The following CACNA1I variants were observed in gnomAD, a reference collection of about 807,000 sequenced individuals.
CACNA1I encodes the protein voltage-dependent T-type calcium channel subunit alpha-1I.
Under a neutral mutation model 201.6 loss-of-function variants are expected in CACNA1I, and 74 were observed. The ratio of observed to expected loss-of-function variants is 0.37; its 90% CI spans 0.30 to 0.45. CACNA1I has a LOEUF of 0.45. Among genes scored for constraint, CACNA1I ranks in the 20% least tolerant of loss-of-function variants. The pLI is 1.00. For missense variants in CACNA1I, 2,346 were observed against 3,138.1 expected, an observed-to-expected ratio of 0.75 and a Z score of 6.03; for synonymous variants, 1,431 against 1,345.2, an observed-to-expected ratio of 1.06 and a Z score of -1.40.
At chr22:39,645,464 T>C (rs1934462394) in intron 7 of CACNA1I, among the ~76,000 whole-genome samples, 1 of 152,048 alleles carries the variant, frequency 6.6e-6, no homozygotes, top group Admixed American at 6.5e-5. Context: ...GGCCCAGCTG[T>C]CTCTTCCTGT....
intron 7 of CACNA1I, among the ~76,000 whole-genome samples, chr22:39,646,278 C>T (rs577617443): frequency 6.6e-6 from 1 of 152,144 alleles, no homozygotes; most frequent in East Asian, 1.9e-4. Context: ...CCCTCCCTTG[C>T]ATCTGTCTTT....
intron 1 of CACNA1I, among the ~76,000 whole-genome samples, chr22:39,571,780 C>G (rs5757731): frequency 0.51 from 77,060 of 152,186 alleles, 20,593 homozygotes; most frequent in East Asian, 0.96. Flanking sequence ...TGCTTCATAT[C>G]TAACTGTCAC....
intron 1 of CACNA1I, among the ~76,000 whole-genome samples, chr22:39,582,310 C>T (rs906480601): frequency 1.3e-5 from 2 of 152,008 alleles, no homozygotes; most frequent in African/African-American, 2.4e-5. Flanking sequence ...GGTTTTCAAT[C>T]GGGGTGACTT....
chr22:39,665,839 A>G lies in CACNA1I; in HGVS notation c.3979-42A>G, dbSNP rs775034475. 6 of 1,612,772 alleles carry G rather than the reference A, an allele frequency of 3.7e-6. No homozygotes were observed. In the South Asian group the frequency reaches 4.4e-5, roughly 12 times the overall value. ...GAGGCGAGTTCCTCTCTGACTTGCA[A>G]CCCTCACCTGTGAGAGCACCAACCT... is the stretch of plus-strand genomic sequence containing the variant. On this transcript the variant is annotated intron_variant, in intron 22 of 36. Transcript: ENST00000402142. The surrounding 1 kb of genome is among the most constrained non-coding windows in gnomAD (Gnocchi z 5.5).
intron 26 of CACNA1I, 26 bp downstream of exon 26, chr22:39,670,980 C>T: frequency 6.2e-7 from 1 of 1,610,920 alleles, no homozygotes; most frequent in Non-Finnish European, 8.5e-7. Context: ...CCTCCCAGCC[C>T]AAGGTTACAA....
intron 3 of CACNA1I, 59 bp from the exon 4 acceptor site, chr22:39,619,251 G>GGGCCCT (rs1569064875): frequency 5.2e-6 from 7 of 1,334,250 alleles, no homozygotes; most frequent in South Asian, 1.2e-5. Context: ...GCTGTGGCCC[G>GGGCCCT]GGCCCTGGCC....
At chr22:39,572,379 G>A (rs1451666631) in intron 1 of CACNA1I, among the ~76,000 whole-genome samples, 2 of 152,166 alleles carry the variant, frequency 1.3e-5, no homozygotes, top group African/African-American at 4.8e-5. Context: ...GTCAGGTGCA[G>A]GCCTGAGTCC....
intron 2 of CACNA1I, 122 bp downstream of exon 2, chr22:39,598,384 C>A: frequency 1.6e-6 from 1 of 632,882 alleles, no homozygotes; most frequent in Non-Finnish European, 2.9e-6. Flanking sequence ...CATGCCCCGC[C>A]CCGCTCCGTG....
chr22:39,645,680 C>T (rs1173328457), intron 7 of CACNA1I, among the ~76,000 whole-genome samples: 3 of 152,190 alleles, frequency 2.0e-5, no homozygotes, highest in Non-Finnish European at 4.4e-5. Context: ...CGGGCACCTC[C>T]AAGGGGGATG....
intron 23 of CACNA1I, among the ~76,000 whole-genome samples, chr22:39,667,332 G>A (rs1487829912): frequency 2.6e-5 from 4 of 152,236 alleles, no homozygotes; most frequent in Admixed American, 6.5e-5. Context: ...TGGATGGTGG[G>A]AAGGAGGGGC....
In CACNA1I at chr22:39,612,525, C is replaced by G. The variant is rs768024923; in HGVS notation, c.483-6785C>G. Among the ~76,000 whole-genome samples the G allele has an allele frequency of 1.0e-3, 157 of 152,278 alleles. 1 individual carries two copies. The highest frequency in any genetic ancestry group is 1.5e-4 in the Non-Finnish European group (10 of 68,020). On this transcript the variant is annotated intron_variant, in intron 3 of 36. Coordinates refer to ENST00000402142, the MANE Select transcript of CACNA1I (RefSeq NM_021096.4). ...CAGATTCAATGTCTGGTGGGGGCCA[C>G]TTCCTCATAGATGAGTCTTCTCATT...
Position 39,629,357 on chromosome 22 carries a change from A to G in CACNA1I, c.581-5208A>G, listed in dbSNP as rs1933987464. 6.6e-6 allele frequency among the ~76,000 whole-genome samples: 1 copy of G among 152,050 alleles called. No homozygotes were observed. The highest frequency in any genetic ancestry group is 1.5e-5 in the Non-Finnish European group (1 of 68,012). ...CCGCTGAAGGCCGCTCTGTGGCTCCAGGCCCCAAACCTTGGAGTCGTCCCC... is the reference window on the plus strand; with the variant it reads ...CCGCTGAAGGCCGCTCTGTGGCTCCGGGCCCCAAACCTTGGAGTCGTCCCC... On this transcript the variant is annotated intron_variant, in intron 4 of 36. Transcript: ENST00000402142. This position sits in a 1 kb window ranked among gnomAD's most constrained non-coding sequence, Gnocchi z 4.8.
chr22:39,665,874 T>C lies in CACNA1I; in HGVS notation c.3979-7T>C. On this transcript the variant is annotated splice_polypyrimidine_tract_variant and splice_region_variant and intron_variant, in intron 22 of 36. Transcript: ENST00000402142. The surrounding 1 kb of genome is among the most constrained non-coding windows in gnomAD (Gnocchi z 5.5). ...GTGAGAGCACCAACCTCACCCCCTT[T>C]CCCCAGCTCTTCAAGGGCAAGTTCT... The C allele has an allele frequency of 6.2e-7, 1 of 1,613,722 alleles. No homozygotes were observed. Among genetic ancestry groups the C allele is most frequent in the Non-Finnish European group, 8.5e-7 (1 of 1,179,836 alleles).
rs200563615 is a variant in CACNA1I, at chr22:39,647,904, T to C, written c.1545T>C (p.Pro515=). The change falls in exon 9 of 37, where the codon CCT becomes CCC. Residue 515 remains proline, a synonymous_variant. Transcript: ENST00000402142. Reference sequence around the variant, plus strand: ...AGACTTTGCATGGGCCTGCCTCCCCTGGAAATGATCACTCGGGAAGAGGCA... The same window carrying C: ...AGACTTTGCATGGGCCTGCCTCCCCCGGAAATGATCACTCGGGAAGAGGCA... The part of the protein sequence containing the change: ...HCQTLHGPAS[P]GNDHSGRELC... 3.0e-4 allele frequency: 484 copies of C among 1,613,524 alleles called. 1 individual carries two copies. Among genetic ancestry groups the C allele is most frequent in the Non-Finnish European group, 3.8e-4 (443 of 1,179,802 alleles).
chr22:39,680,983 C>A lies in CACNA1I; in HGVS notation c.5595C>A (p.Ser1865=). The A allele has an allele frequency of 1.2e-6, 2 of 1,612,048 alleles. No homozygotes were observed. The highest frequency in any genetic ancestry group is 1.1e-5 in the South Asian group (1 of 90,870). Residue 1865 remains serine, a synonymous_variant, in exon 34 of 37, where the codon TCC becomes TCA. Transcript: ENST00000402142. ...CCCTGAACTCAGACAGGTCCTCGTCCATCCTGCTGGGTGACGACCTGAGTC... is the reference window on the plus strand; with the variant it reads ...CCCTGAACTCAGACAGGTCCTCGTCAATCCTGCTGGGTGACGACCTGAGTC... ...AFSLNSDRSS[S]ILLGDDLSLE... is the part of the protein sequence containing the mutation.
At chr22:39,679,529 G>A (rs913056936) in intron 32 of CACNA1I, 84 bp downstream of exon 32, 16 of 1,128,434 alleles carry the variant, frequency 1.4e-5, no homozygotes, top group Admixed American at 9.0e-5. Flanking sequence ...GGGAGGCCTT[G>A]CACAGAGACC....
chr22:39,575,220 A>C (rs557718106), intron 1 of CACNA1I, among the ~76,000 whole-genome samples: 1 of 152,318 alleles, frequency 6.6e-6, no homozygotes, highest in African/African-American at 2.4e-5. Context: ...AGCGCTGGGC[A>C]CCTGAATCAC....
At chr22:39,613,093 C>T (rs1933429074) in intron 3 of CACNA1I, among the ~76,000 whole-genome samples, 1 of 152,256 alleles carries the variant, frequency 6.6e-6, no homozygotes, top group Non-Finnish European at 1.5e-5. Flanking sequence ...ATCAGCCACA[C>T]ACAGAAATCA....
intron 3 of CACNA1I, among the ~76,000 whole-genome samples, chr22:39,610,895 T>C (rs76319303): frequency 0.011 from 1,659 of 152,186 alleles, 31 homozygotes; most frequent in African/African-American, 0.038. Flanking sequence ...CTGAGCCTCT[T>C]TGGCCTGGAT....
Sources: allele counts gnomAD v4.1 joint callset (sites outside exome capture counted in the v4.1 genomes callset), GRCh38; gene constraint gnomAD v4.1.1; non-coding constraint Gnocchi (gnomAD v3.1); transcripts MANE v1.5; gene names NCBI Gene and HGNC (gene_info 2026-07-23, HGNC 2026-07-21).